MEGF6: variants seen among roughly 807,000 people sequenced by gnomAD.
MEGF6 encodes the protein multiple epidermal growth factor-like domains protein 6.
In MEGF6, 184 loss-of-function variants were observed where a neutral mutation model predicts 207.1. The observed-to-expected ratio is 0.89, with a 90% CI of 0.79 to 1.00. The LOEUF is 1.00. Among genes scored for constraint, MEGF6 ranks in the 50% least tolerant of loss-of-function variants. The pLI is 0.00. For synonymous variants in MEGF6, 1,038 were observed against 910.0 expected (o/e 1.14, Z -2.53); for missense variants, 2,282 against 2,202.9 (o/e 1.04, Z -0.72).
chr1:3,503,775 G>A (rs1640997326), intron 17 of MEGF6, among the ~76,000 whole-genome samples: 1 of 152,130 alleles, frequency 6.6e-6, no homozygotes, highest in Admixed American at 6.5e-5. Context: ...GAGGAAGGGT[G>A]GGGAGGGGAT....
intron 14 of MEGF6, among the ~76,000 whole-genome samples, chr1:3,506,488 C>A (rs1012137153): frequency 6.6e-6 from 1 of 152,172 alleles, no homozygotes; most frequent in Non-Finnish European, 1.5e-5. Flanking sequence ...TGGAGAGATG[C>A]ACAAAGCTCA....
chr1:3,534,975 G>A (rs962885387), intron 4 of MEGF6, among the ~76,000 whole-genome samples: 3 of 152,180 alleles, frequency 2.0e-5, no homozygotes, highest in African/African-American at 4.8e-5. Context: ...ACCACAGCCC[G>A]TGTGCCCAGT....
intron 26 of MEGF6, among the ~76,000 whole-genome samples, chr1:3,497,816 G>A (rs1302667867): frequency 3.9e-5 from 6 of 152,286 alleles, no homozygotes; most frequent in South Asian, 4.2e-4. Flanking sequence ...GCAAGGGACC[G>A]CCCAAGTTGT....
At chr1:3,500,944 G>A (rs1180623517) in intron 20 of MEGF6, 22 bp downstream of exon 20, 8 of 1,610,768 alleles carry the variant, frequency 5.0e-6, no homozygotes, top group Admixed American at 1.7e-5. Flanking sequence ...CTGGACAAAG[G>A]GCAAGCCAAG....
chr1:3,531,449 A>G (rs1642168386), intron 4 of MEGF6: 2 of 1,104,376 alleles, frequency 1.8e-6, no homozygotes, highest in South Asian at 4.4e-5. Flanking sequence ...TTAAGTTCTC[A>G]GCTTTCCCTC....
the MEGF6 span, among the ~76,000 whole-genome samples, chr1:3,617,151 C>CCCCCGGCTCCTGCCAT: frequency 2.0e-5 from 3 of 150,682 alleles, no homozygotes; most frequent in African/African-American, 7.3e-5. Context: ...CGCCCTCCCA[C>CCCCCGGCTCCTGCCAT]CCCCGGCTCC....
chr1:3,554,724 C>G (rs1642984884), intron 4 of MEGF6, among the ~76,000 whole-genome samples: 1 of 152,242 alleles, frequency 6.6e-6, no homozygotes, highest in Non-Finnish European at 1.5e-5. Flanking sequence ...GCCAGCCTCT[C>G]TCCCTCCATG....
chr1:3,576,164 G>A (rs749330356), intron 4 of MEGF6, among the ~76,000 whole-genome samples: 1 of 152,246 alleles, frequency 6.6e-6, no homozygotes, highest in Non-Finnish European at 1.5e-5. Context: ...TCACTGCAGG[G>A]CCTGCCCAGC....
chr1:3,567,735 G>A lies in MEGF6; in HGVS notation c.481+12090C>T, dbSNP rs118078790. On this transcript the variant is annotated intron_variant, in intron 4 of 36. Coordinates refer to ENST00000356575, the MANE Select transcript of MEGF6 (RefSeq NM_001409.4). The stretch of plus-strand genomic sequence containing the variant: ...GGGTTGTCCAGCCAGGGGCAGGGGG[G>A]CCTGGGACGCTGCAGCGACCTTGAA... Among the ~76,000 whole-genome samples the A allele has an allele frequency of 2.0e-3, 311 of 152,346 alleles. 9 individuals are homozygous for A. The East Asian group carries it at 0.047, about 23-fold the overall frequency.
At chr1:3,576,946 C>CCTGCACATCCAGCT (rs1643660758) in intron 4 of MEGF6, among the ~76,000 whole-genome samples, 2 of 148,100 alleles carry the variant, frequency 1.4e-5, no homozygotes, top group African/African-American at 5.1e-5. Flanking sequence ...CACACCTGGC[C>CCTGCACATCCAGCT]CTGCACATCC....
At chr1:3,576,275 G>A (rs1643639383) in intron 4 of MEGF6, among the ~76,000 whole-genome samples, 1 of 152,232 alleles carries the variant, frequency 6.6e-6, no homozygotes, top group Non-Finnish European at 1.5e-5. Context: ...AAACACTGCT[G>A]CAAAGTCCCC....
chr1:3,620,378 C>T, the MEGF6 span, among the ~76,000 whole-genome samples: 5 of 152,248 alleles, frequency 3.3e-5, no homozygotes, highest in African/African-American at 9.6e-5. Flanking sequence ...CCTCCCATCA[C>T]AGGCCCAGAG....
At chr1:3,526,967 G>A (rs1387562091) in intron 4 of MEGF6, among the ~76,000 whole-genome samples, 1 of 152,194 alleles carries the variant, frequency 6.6e-6, no homozygotes, top group Non-Finnish European at 1.5e-5. Context: ...GCCTCTCTGG[G>A]AGAAAATATT....
Position 3,494,484 on chromosome 1 carries a change from C to A in MEGF6, c.4016G>T (p.Arg1339Leu). The change falls in exon 32 of 37, where the codon CGC becomes CTC. Residue 1339 changes from arginine (R) to leucine (L), a missense_variant. Transcript: ENST00000356575. ...RHCELACPPG[R>L]YGAACHLECS... ...CTCCAGATGGCAGGCGGCTCCGTAGCGCCCAGGGGGACAGGCTGGGGACAG... is the reference window on the plus strand; with the variant it reads ...CTCCAGATGGCAGGCGGCTCCGTAGAGCCCAGGGGGACAGGCTGGGGACAG... 6.3e-7 allele frequency: 1 copy of A among 1,587,760 alleles called. No individual in the cohort carries two copies. The highest frequency in any genetic ancestry group is 8.5e-7 in the Non-Finnish European group (1 of 1,171,148).
At chr1:3,582,004 A>G (rs2101765578) in intron 3 of MEGF6, among the ~76,000 whole-genome samples, 1 of 150,640 alleles carries the variant, frequency 6.6e-6, no homozygotes, top group African/African-American at 2.4e-5. Flanking sequence ...TGAAAATCCC[A>G]GCCAGATCCA....
intron 4 of MEGF6, among the ~76,000 whole-genome samples, chr1:3,531,647 C>G (rs1464297409): frequency 3.3e-5 from 5 of 152,186 alleles, no homozygotes; most frequent in Admixed American, 2.6e-4. Context: ...ACATGTGACC[C>G]ACAGACACAG....
At chr1:3,600,861 C>T (rs1043298613) in intron 2 of MEGF6, among the ~76,000 whole-genome samples, 3 of 152,168 alleles carry the variant, frequency 2.0e-5, no homozygotes, top group Admixed American at 6.5e-5. Flanking sequence ...CCCCCAGGAG[C>T]GGGGGCCAGG....
intron 17 of MEGF6, among the ~76,000 whole-genome samples, chr1:3,502,855 G>C (rs961915825): frequency 1.3e-5 from 2 of 152,214 alleles, no homozygotes; most frequent in Non-Finnish European, 2.9e-5. Flanking sequence ...CAGAGCATGA[G>C]GCTAGCCGGG....
intron 14 of MEGF6, among the ~76,000 whole-genome samples, chr1:3,506,741 C>T (rs1265866057): frequency 6.6e-6 from 1 of 152,206 alleles, no homozygotes; most frequent in African/African-American, 2.4e-5. Context: ...CGGTAGTCAG[C>T]TGAAGGTACC....
Sources: gnomAD v4.1 joint callset for allele counts (sites outside exome capture counted in the v4.1 genomes callset) on GRCh38, gnomAD v4.1.1 for gene constraint, MANE v1.5 for transcripts, NCBI Gene and HGNC (gene_info 2026-07-23, HGNC 2026-07-21) for gene names.